Variants in MCPH1 observed in about 807,000 individuals in gnomAD.
The protein encoded by MCPH1 is microcephalin 1, also known as microcephalin.
In MCPH1, 104 loss-of-function variants were observed where a neutral mutation model predicts 84.5. The ratio of observed to expected loss-of-function variants is 1.23; its 90% CI spans 1.05 to 1.45. The LOEUF (loss-of-function observed/expected upper bound fraction) is 1.45. Ranked by LOEUF, MCPH1 falls within the 40% of genes most tolerant of loss-of-function variation. MCPH1 has a pLI of 0.00. For synonymous variants in MCPH1, 514 were observed against 366.8 expected (o/e 1.40, Z -4.58); for missense variants, 1,498 against 1,005.7 (o/e 1.49, Z -6.62).
intron 12 of MCPH1, among the ~76,000 whole-genome samples, chr8:6,592,623 G>GTTTTTTTTTTTTTTT (rs573651366): frequency 1.8e-4 from 14 of 77,582 alleles, no homozygotes; most frequent in South Asian, 5.3e-4. Context: ...TCTTTTTTTT[G>GTTTTTTTTTTTTTTT]TTTTTTTTTT....
At chr8:6,503,131 T>A (rs1453916707) in intron 12 of MCPH1, 4 of 1,614,210 alleles carry the variant, frequency 2.5e-6, no homozygotes, top group Non-Finnish European at 3.4e-6. Flanking sequence ...TCATCATGGT[T>A]GTGGCCTTGA....
chr8:6,473,381 A>C (rs1183502410), intron 9 of MCPH1, among the ~76,000 whole-genome samples: 1 of 113,402 alleles, frequency 8.8e-6, no homozygotes, highest in Non-Finnish European at 1.6e-5. Context: ...CCCAGGCTGG[A>C]GTGCAGTGGC....
intron 9 of MCPH1, among the ~76,000 whole-genome samples, 155 bp downstream of exon 9, chr8:6,455,407 T>A (rs1805567419): frequency 6.6e-6 from 1 of 152,224 alleles, no homozygotes; most frequent in African/African-American, 2.4e-5. Context: ...AATATGAAAC[T>A]GAAAGCGTTG....
At chr8:6,441,928 G>A in intron 6 of MCPH1, 139 bp from the exon 7 acceptor site, 1 of 661,922 alleles carries the variant, frequency 1.5e-6, no homozygotes, top group Non-Finnish European at 2.7e-6. Flanking sequence ...CAGGCAAGTT[G>A]ACTTTAAGAT....
intron 12 of MCPH1, among the ~76,000 whole-genome samples, chr8:6,613,594 T>C (rs1023298795): frequency 4.0e-5 from 6 of 151,516 alleles, no homozygotes; most frequent in Non-Finnish European, 8.8e-5. Context: ...GATTCTGCAG[T>C]TCCCCGGGGA....
At chr8:6,418,247 C>A (rs1184705236) in intron 3 of MCPH1, among the ~76,000 whole-genome samples, 1 of 152,102 alleles carries the variant, frequency 6.6e-6, no homozygotes, top group Non-Finnish European at 1.5e-5. Context: ...TGCGCCACAC[C>A]AGCTCCCTCA....
At chr8:6,532,488 C>A in intron 12 of MCPH1, 1 of 1,609,130 alleles carries the variant, frequency 6.2e-7, no homozygotes, top group Non-Finnish European at 8.5e-7. Flanking sequence ...AATTCTCAAG[C>A]TAGAAAAGAA....
Position 6,579,917 on chromosome 8 carries a change from C to G in MCPH1, c.2215-41537C>G, listed in dbSNP as rs554940184. On this transcript the variant is annotated intron_variant, in intron 12 of 13. Transcript: ENST00000344683. ...ACAGAACTGGCCTGGCGAGGTGTTA[C>G]TTTGACCACCATTGCTGGGCCAGGA... Among the ~76,000 whole-genome samples, 6 of 152,304 alleles carry G rather than the reference C, an allele frequency of 3.9e-5. No individual in the cohort carries two copies. The South Asian group carries it at 6.2e-4, about 16-fold the overall frequency.
intron 5 of MCPH1, among the ~76,000 whole-genome samples, chr8:6,436,515 G>A (rs1439401257): frequency 2.0e-5 from 3 of 151,596 alleles, no homozygotes; most frequent in Admixed American, 1.3e-4. Context: ...TACCTAATTG[G>A]CATTTTTGTT....
chr8:6,535,893 A>C (rs1351633608), intron 12 of MCPH1, among the ~76,000 whole-genome samples: 1 of 71,734 alleles, frequency 1.4e-5, no homozygotes, highest in African/African-American at 4.4e-5. Flanking sequence ...CAAAAAATAC[A>C]AAAAAAAAAA....
intron 12 of MCPH1, among the ~76,000 whole-genome samples, chr8:6,567,389 A>C (rs1826286490): frequency 6.6e-6 from 1 of 151,688 alleles, no homozygotes. Context: ...GATAGTGCAC[A>C]CGGTGCAGTG....
chr8:6,497,186 A>G (rs955812820), intron 11 of MCPH1, among the ~76,000 whole-genome samples: 3 of 152,138 alleles, frequency 2.0e-5, no homozygotes, highest in African/African-American at 7.2e-5. Context: ...TTTGAGAAAT[A>G]AAAAGTTGAG....
At chr8:6,467,932 G>T (rs1437947292) in intron 9 of MCPH1, among the ~76,000 whole-genome samples, 1 of 152,140 alleles carries the variant, frequency 6.6e-6, no homozygotes, top group African/African-American at 2.4e-5. Flanking sequence ...GAAGGTAGAG[G>T]TGTGTACGTG....
intron 3 of MCPH1, among the ~76,000 whole-genome samples, chr8:6,422,410 A>G (rs899794316): frequency 2.6e-5 from 4 of 152,234 alleles, no homozygotes; most frequent in African/African-American, 9.6e-5. Context: ...GACCTTTACT[A>G]GAAGCTTGAA....
chr8:6,562,187 C>A (rs1825638223), intron 12 of MCPH1, among the ~76,000 whole-genome samples: 1 of 152,152 alleles, frequency 6.6e-6, no homozygotes, highest in South Asian at 2.1e-4. Flanking sequence ...TTACTCCATC[C>A]GTTATGCCTC....
At chr8:6,626,135 G>A (rs936953269) in intron 13 of MCPH1, 1 of 985,356 alleles carries the variant, frequency 1.0e-6, no homozygotes, top group Non-Finnish European at 1.2e-6. Context: ...TATTTTACTT[G>A]TAAGAATTTC....
intron 3 of MCPH1, among the ~76,000 whole-genome samples, chr8:6,431,176 T>C (rs1801780439): frequency 6.6e-6 from 1 of 152,344 alleles, no homozygotes; most frequent in African/African-American, 2.4e-5. Context: ...AAATGATCCA[T>C]TTAATAGCAT....
chr8:6,407,292 C>G lies in MCPH1; in HGVS notation c.22+603C>G, dbSNP rs532673954. 8.6e-5 allele frequency: 14 copies of G among 162,006 alleles called. No homozygotes were observed. In the South Asian group the frequency reaches 2.4e-3, roughly 28 times the overall value. 10.0% of individuals were successfully genotyped at this position (162,006 alleles called of 1,614,324 possible). On this transcript the variant is annotated intron_variant, in intron 1 of 13. Coordinates refer to ENST00000344683, the MANE Select transcript of MCPH1 (RefSeq NM_024596.5). ...CTGCGGAGTCTTTGTGTGCCAGGCGCTGTGCTTAGGCTAGTATGGTATTGT... is the reference window on the plus strand; with the variant it reads ...CTGCGGAGTCTTTGTGTGCCAGGCGGTGTGCTTAGGCTAGTATGGTATTGT...
chr8:6,529,348 T>C (rs1819004286), intron 12 of MCPH1, among the ~76,000 whole-genome samples: 1 of 152,244 alleles, frequency 6.6e-6, no homozygotes, highest in East Asian at 1.9e-4. Context: ...CAGATTTGAA[T>C]TTAAGTCTGT....
Sources: allele counts gnomAD v4.1 joint callset (sites outside exome capture counted in the v4.1 genomes callset), GRCh38; gene constraint gnomAD v4.1.1; transcripts MANE v1.5; gene names NCBI Gene and HGNC (gene_info 2026-07-23, HGNC 2026-07-21).